LANCL2: variants seen among roughly 807,000 people sequenced by gnomAD.
LANCL2 encodes the protein LanC like glutathione S-transferase 2, also known as lanC-like protein 2.
In LANCL2, 33 loss-of-function variants were observed where a neutral mutation model predicts 56.9. The ratio of observed to expected loss-of-function variants is 0.58; its 90% confidence interval spans 0.44 to 0.78. The LOEUF is 0.78. Ranked by LOEUF, LANCL2 falls within the 30% of genes least tolerant of loss-of-function variation. The pLI, the probability that LANCL2 is intolerant of heterozygous loss-of-function variation, is 0.00. For missense variants in LANCL2, 562 were observed against 580.2 expected, an observed-to-expected ratio of 0.97 and a Z score of 0.32; for synonymous variants, 233 against 228.2, an observed-to-expected ratio of 1.02 and a Z score of -0.19.
intron 8 of LANCL2, among the ~76,000 whole-genome samples, chr7:55,429,301 G>C (rs1051543055): frequency 1.3e-5 from 2 of 152,114 alleles, no homozygotes; most frequent in African/African-American, 4.8e-5. Context: ...AAACTTCTAG[G>C]TCTGGAGATT....
At chr7:55,382,332 T>C (rs1222349923) in intron 1 of LANCL2, among the ~76,000 whole-genome samples, 1 of 152,148 alleles carries the variant, frequency 6.6e-6, no homozygotes, top group African/African-American at 2.4e-5. Flanking sequence ...ATTTTAGAAC[T>C]GATAAATACA....
At chr7:55,426,005 G>A (rs1016264184) in intron 7 of LANCL2, among the ~76,000 whole-genome samples, 6 of 152,144 alleles carry the variant, frequency 3.9e-5, no homozygotes, top group Non-Finnish European at 4.4e-5. Context: ...CTCTAAGAAC[G>A]GAGTGTGTCA....
chr7:55,406,354 G>C (rs769463554), intron 5 of LANCL2, among the ~76,000 whole-genome samples: 72 of 152,362 alleles, frequency 4.7e-4, no homozygotes, highest in Non-Finnish European at 6.5e-4. Context: ...AGGAACAAGT[G>C]CTGGCTGCTT....
chr7:55,373,592 A>G (rs1309820144), intron 1 of LANCL2, among the ~76,000 whole-genome samples: 1 of 152,106 alleles, frequency 6.6e-6, no homozygotes, highest in Non-Finnish European at 1.5e-5. Context: ...AAGCCATTGC[A>G]CCCAGGGAGT....
intron 1 of LANCL2, among the ~76,000 whole-genome samples, chr7:55,377,190 C>T (rs1018523394): frequency 2.0e-5 from 3 of 152,092 alleles, no homozygotes; most frequent in Admixed American, 6.6e-5. Flanking sequence ...AGCTTATGAA[C>T]ATACTGAACC....
chr7:55,389,821 A>G (rs1790165113), intron 1 of LANCL2, among the ~76,000 whole-genome samples: 1 of 152,220 alleles, frequency 6.6e-6, no homozygotes, highest in African/African-American at 2.4e-5. Context: ...CCTTTCTGAG[A>G]GAGTCTCATT....
chr7:55,387,529 A>C (rs1032501374), intron 1 of LANCL2, among the ~76,000 whole-genome samples: 1 of 151,042 alleles, frequency 6.6e-6, no homozygotes, highest in East Asian at 1.9e-4. Context: ...TATGCTTCTG[A>C]GTTTTTTTTG....
chr7:55,416,286 CTTA>C (rs1014559186), intron 6 of LANCL2, among the ~76,000 whole-genome samples: 9 of 151,766 alleles, frequency 5.9e-5, no homozygotes, highest in South Asian at 2.1e-4. Context: ...ATATCTTCTT[CTTA>C]TTATTATTAT....
chr7:55,427,043 G>A (rs565201237), intron 7 of LANCL2, among the ~76,000 whole-genome samples: 11 of 152,336 alleles, frequency 7.2e-5, no homozygotes, highest in African/African-American at 2.4e-4. Flanking sequence ...GAGCTGCAGA[G>A]CACGAACCAG....
intron 5 of LANCL2, among the ~76,000 whole-genome samples, chr7:55,407,739 C>G (rs115487978): frequency 7.9e-5 from 12 of 152,242 alleles, no homozygotes; most frequent in Non-Finnish European, 1.6e-4. Context: ...GAGTCTCCAG[C>G]TTGCTGGCCA....
At chr7:55,402,994 A>T (rs1790359101) in intron 5 of LANCL2, among the ~76,000 whole-genome samples, 1 of 147,404 alleles carries the variant, frequency 6.8e-6, no homozygotes, top group African/African-American at 2.5e-5. Context: ...ATCCCAGACG[A>T]TGGGCGGCCA....
At chr7:55,423,996 C>T (rs1229408520) in intron 6 of LANCL2, among the ~76,000 whole-genome samples, 1 of 152,204 alleles carries the variant, frequency 6.6e-6, no homozygotes, top group African/African-American at 2.4e-5. Flanking sequence ...CCCCCAACCT[C>T]CGCCTTTTTC....
chr7:55,370,808 G>A (rs12535859), intron 1 of LANCL2, among the ~76,000 whole-genome samples: 44,483 of 152,090 alleles, frequency 0.29, 8,087 homozygotes, highest in East Asian at 0.55. Flanking sequence ...AAGAGGGAGC[G>A]TGAATGGCAC....
intron 5 of LANCL2, among the ~76,000 whole-genome samples, chr7:55,404,766 G>A (rs945836073): frequency 2.6e-5 from 4 of 151,872 alleles, no homozygotes; most frequent in African/African-American, 7.3e-5. Flanking sequence ...GGCATGCACC[G>A]CCACACCTGG....
intron 5 of LANCL2, among the ~76,000 whole-genome samples, chr7:55,403,967 A>G (rs1790375322): frequency 6.6e-6 from 1 of 152,292 alleles, no homozygotes; most frequent in Middle Eastern, 3.4e-3. Flanking sequence ...TGCAGAACCC[A>G]ACTGAGGCAG....
chr7:55,410,730 C>T (rs924075717), intron 5 of LANCL2, among the ~76,000 whole-genome samples: 16 of 151,462 alleles, frequency 1.1e-4, no homozygotes, highest in African/African-American at 3.2e-4. Context: ...CACCCTGAGA[C>T]GTTCTGTGGT....
At chr7:55,369,696 C>CCAGCAG (rs35428826) in intron 1 of LANCL2, among the ~76,000 whole-genome samples, 2 of 151,690 alleles carry the variant, frequency 1.3e-5, no homozygotes, top group Non-Finnish European at 1.5e-5. Context: ...ATGTCTTTGA[C>CCAGCAG]CAGCAGCAGC....
intron 1 of LANCL2, among the ~76,000 whole-genome samples, chr7:55,387,242 G>C (rs1790135526): frequency 6.6e-6 from 1 of 152,210 alleles, no homozygotes; most frequent in South Asian, 2.1e-4. Flanking sequence ...TAGGAACAGT[G>C]TGAGACGTTT....
chr7:55,402,143 C>T (rs530231920), intron 5 of LANCL2, among the ~76,000 whole-genome samples: 23 of 145,608 alleles, frequency 1.6e-4, no homozygotes, highest in Middle Eastern at 3.6e-3. Context: ...CCTCACCTCC[C>T]GGACGGGGCG....
Sources: allele counts gnomAD v4.1 joint callset (sites outside exome capture counted in the v4.1 genomes callset), GRCh38; gene constraint gnomAD v4.1.1; transcripts MANE v1.5; gene names NCBI Gene and HGNC (gene_info 2026-07-23, HGNC 2026-07-21).